Variants in KMT2A observed in about 807,000 individuals in gnomAD.
The protein encoded by KMT2A is histone-lysine N-methyltransferase 2A.
Under a neutral mutation model 345.3 loss-of-function variants are expected in KMT2A, and 16 were observed. That is an observed-to-expected ratio of 0.05 (90% CI 0.03 to 0.07). The LOEUF is 0.07. Ranked by LOEUF, KMT2A falls within the 10% of genes least tolerant of loss-of-function variation. The pLI is 1.00. For synonymous variants in KMT2A, 1,599 were observed against 1,778.6 expected (o/e 0.90, Z 2.54); for missense variants, 3,272 against 4,841.6 (o/e 0.68, Z 9.62).
In KMT2A at chr11:118,476,756, A is replaced by G; in HGVS notation, c.3157-49A>G. The stretch of plus-strand genomic sequence containing the variant: ...GTATACCTTGGCTTCGTTCAGTTAT[A>G]ATTTCAACATGTATGGTTGTTATTG... On this transcript the variant is annotated intron_variant, in intron 3 of 35. Coordinates refer to ENST00000534358, the MANE Select transcript of KMT2A (RefSeq NM_001197104.2). This position sits in a 1 kb window ranked among gnomAD's most constrained non-coding sequence, Gnocchi z 4.1. The G allele has an allele frequency of 1.3e-6, 2 of 1,514,040 alleles. No individual in the cohort carries two copies. The highest frequency in any genetic ancestry group is 1.8e-6 in the Non-Finnish European group (2 of 1,108,314). The allele number at this position is 1,514,040 out of a possible 1,614,324, so 93.8% of individuals were successfully genotyped here.
Position 118,503,938 on chromosome 11 carries a change from A to T in KMT2A, c.8046A>T (p.Leu2682Phe). The T allele has an allele frequency of 6.2e-7, 1 of 1,614,194 alleles. No individual in the cohort carries two copies. The change falls in exon 27 of 36, where the codon TTA becomes TTT. Residue 2682 changes from leucine to phenylalanine, a missense_variant. By Grantham distance (22) the Leu-to-Phe change is conservative (BLOSUM62 0). Around this residue, in one of 27 missense-constraint regions of KMT2A, gnomAD observed 47 missense variants for 53.6 expected, o/e 0.88. Transcript: ENST00000534358. This position sits in a 1 kb window ranked among gnomAD's most constrained non-coding sequence, Gnocchi z 5.3. ...DDLSTSDEDDLYYYNFTRTVI... is the reference protein window; with the variant it reads ...DDLSTSDEDDFYYYNFTRTVI... ...TAAGCACTTCAGATGAAGACGACTT[A>T]TACTATTACAACTTCACTAGAACAG...
chr11:118,467,143 G>A (rs558119471), intron 1 of KMT2A, among the ~76,000 whole-genome samples: 254 of 152,160 alleles, frequency 1.7e-3, no homozygotes, highest in African/African-American at 5.9e-3. Context: ...TTGGGAGGCC[G>A]AGGTGGGCAG....
intron 10 of KMT2A, among the ~76,000 whole-genome samples, chr11:118,486,045 T>C (rs1244757243): frequency 6.6e-6 from 1 of 152,016 alleles, no homozygotes; most frequent in Non-Finnish European, 1.5e-5. Context: ...ATCGCCCCAC[T>C]GCACTCCCGC....
intron 1 of KMT2A, among the ~76,000 whole-genome samples, chr11:118,441,901 CCTT>C (rs1565562116): frequency 6.6e-6 from 1 of 152,204 alleles, no homozygotes; most frequent in Non-Finnish European, 1.5e-5. Flanking sequence ...TCTTTGCTCA[CCTT>C]AGAGCTGTCC....
chr11:118,494,151 A>G lies in KMT2A; in HGVS notation c.5179-137A>G. 1.8e-6 allele frequency: 1 copy of G among 558,916 alleles called. No homozygotes were observed. Among genetic ancestry groups the G allele is most frequent in the Non-Finnish European group, 3.2e-6 (1 of 310,762 alleles). The allele number at this position is 558,916 out of a possible 1,614,324, so 34.6% of individuals were successfully genotyped here. A position where few individuals can be genotyped will look rare whatever the true frequency, so the allele number is the denominator to read the frequency against. On this transcript the variant is annotated intron_variant, in intron 16 of 35. Coordinates refer to ENST00000534358, the MANE Select transcript of KMT2A (RefSeq NM_001197104.2). This position sits in a 1 kb window ranked among gnomAD's most constrained non-coding sequence, Gnocchi z 5.8. ...GAATTGAATCTCAAAGGTCTCAGCC[A>G]AAGAGTATTATACCACATTAAAATA...
chr11:118,484,852 C>T lies in KMT2A; in HGVS notation c.4219-10C>T. 6.3e-7 allele frequency: 1 copy of T among 1,590,476 alleles called. No individual in the cohort carries two copies. Among genetic ancestry groups the T allele is most frequent in the Non-Finnish European group, 8.6e-7 (1 of 1,158,636 alleles). On this transcript the variant is annotated splice_polypyrimidine_tract_variant and intron_variant, in intron 9 of 35. Transcript: ENST00000534358. This position sits in a 1 kb window ranked among gnomAD's most constrained non-coding sequence, Gnocchi z 4.1. ...TAAAACTTTCCTAAGTGACCTTTCT[C>T]TCTCCACAGGAGGATTGTGAAGCAG...
At chr11:118,488,379 A>G (rs2134326370) in intron 10 of KMT2A, 1 of 529,914 alleles carries the variant, frequency 1.9e-6, no homozygotes, top group Middle Eastern at 5.3e-4. Context: ...TAAATCTTGT[A>G]TTATATTTAT....
At position 118,519,964 on chromosome 11, in the gene KMT2A, G is replaced by A. The variant is rs1950921536; in HGVS notation, c.11329G>A (p.Ala3777Thr). 6.2e-7 allele frequency: 1 copy of A among 1,613,130 alleles called. No individual in the cohort carries two copies. Among genetic ancestry groups the A allele is most frequent in the Non-Finnish European group, 8.5e-7 (1 of 1,179,190 alleles). The stretch of plus-strand genomic sequence containing the variant: ...TTAATCTTTTGGCCCCAGGAAGTCA[G>A]CATTTGACATGTTTAACTTCCTGGC... ...ARAEVHLRKS[A>T]FDMFNFLASK... The change falls in exon 33 of 36, where the codon GCA (alanine) becomes ACA (threonine). Residue 3777 changes from alanine (A) to threonine (T), a missense_variant. This residue lies in a region of KMT2A where 72 missense variants were observed against 135.6 expected (regional missense o/e 0.53). Transcript: ENST00000534358.
At position 118,520,659 on chromosome 11, in the gene KMT2A, A is replaced by AG. The variant is rs1555053224; in HGVS notation, c.11430-143_11430-142insG. On this transcript the variant is annotated intron_variant, in intron 33 of 35. Transcript: ENST00000534358. This position sits in a 1 kb window ranked among gnomAD's most constrained non-coding sequence, Gnocchi z 4.3. ...GAGCGAAACTCCATCTCAAAAAAAA[A>AG]AGGGGGGCGCTCATTTTATAAGGCA... 6.6e-4 allele frequency: 420 copies of AG among 632,018 alleles called. No homozygotes were observed. The highest frequency in any genetic ancestry group is 1.0e-3 in the Non-Finnish European group (359 of 354,030). 39.2% of individuals were successfully genotyped at this position (632,018 alleles called of 1,614,324 possible). A position where few individuals can be genotyped will look rare whatever the true frequency, so the allele number is the denominator to read the frequency against.
In KMT2A at chr11:118,503,300, G is replaced by A. The variant is rs1950530932; in HGVS notation, c.7408G>A (p.Glu2470Lys). Residue 2470 changes from glutamate to lysine, a missense_variant, in exon 27 of 36, where the codon GAG (glutamate) becomes AAG (lysine). Around this residue, in one of 27 missense-constraint regions of KMT2A, gnomAD observed 445 missense variants for 500.9 expected, o/e 0.89. Transcript: ENST00000534358. This position sits in a 1 kb window ranked among gnomAD's most constrained non-coding sequence, Gnocchi z 5.3. ...AAACTTGAAGCCAGAGTTTATGGATGAGGTTTTGACTCCTGAGTATATGGG... is the reference window on the plus strand; with the variant it reads ...AAACTTGAAGCCAGAGTTTATGGATAAGGTTTTGACTCCTGAGTATATGGG... ...EGNLKPEFMDEVLTPEYMGQR... is the reference protein window; with the variant it reads ...EGNLKPEFMDKVLTPEYMGQR... 5 of 1,614,146 alleles carry A rather than the reference G, an allele frequency of 3.1e-6. 1 individual carries two copies. Among genetic ancestry groups the A allele is most frequent in the South Asian group, 1.1e-5 (1 of 91,072 alleles).
chr11:118,518,884 T>A (rs1166881558), intron 31 of KMT2A, among the ~76,000 whole-genome samples: 4 of 151,108 alleles, frequency 2.6e-5, no homozygotes, highest in African/African-American at 9.7e-5. Context: ...GAGACCATCC[T>A]GGCTAACATG....
intron 31 of KMT2A, among the ~76,000 whole-genome samples, chr11:118,515,435 G>A (rs1950790855): frequency 6.6e-6 from 1 of 152,212 alleles, no homozygotes; most frequent in South Asian, 2.1e-4. Flanking sequence ...AAGTCCAGAG[G>A]TAGGGACAGA....
In KMT2A at chr11:118,484,159, T is replaced by C; in HGVS notation, c.4087-24T>C. On this transcript the variant is annotated intron_variant, in intron 8 of 35. Transcript: ENST00000534358. The surrounding 1 kb of genome is among the most constrained non-coding windows in gnomAD (Gnocchi z 4.1). ...AGGCAAATAGGGTGTGATTTTGTTCTATATTCATCTTTTGTCTCCTTAGGA... is the reference window on the plus strand; with the variant it reads ...AGGCAAATAGGGTGTGATTTTGTTCCATATTCATCTTTTGTCTCCTTAGGA... 1.9e-6 allele frequency: 3 copies of C among 1,612,126 alleles called. No homozygotes were observed. In the South Asian group the frequency reaches 3.3e-5, roughly 18 times the overall value.
At chr11:118,501,296 A>G in intron 25 of KMT2A, 149 bp downstream of exon 25, 2 of 673,196 alleles carry the variant, frequency 3.0e-6, no homozygotes, top group Non-Finnish European at 4.9e-6. Flanking sequence ...CATCTCTACT[A>G]AAAATACAAA....
At chr11:118,446,593 C>G (rs1369218871) in intron 1 of KMT2A, among the ~76,000 whole-genome samples, 1 of 152,192 alleles carries the variant, frequency 6.6e-6, no homozygotes, top group Non-Finnish European at 1.5e-5. Flanking sequence ...CAATCAATTT[C>G]TGAGTCTTGT....
intron 27 of KMT2A, among the ~76,000 whole-genome samples, chr11:118,506,907 CT>C (rs1950595075): frequency 6.6e-6 from 1 of 152,106 alleles, no homozygotes; most frequent in Non-Finnish European, 1.5e-5. Flanking sequence ...CTGTTTGTTC[CT>C]GTTTCTTTTT....
At position 118,473,951 on chromosome 11, in the gene KMT2A, C is replaced by T. The variant is rs2134271733; in HGVS notation, c.2792C>T (p.Thr931Ile). The T allele has an allele frequency of 1.2e-6, 2 of 1,614,048 alleles. No individual in the cohort carries two copies. The highest frequency in any genetic ancestry group is 1.7e-6 in the Non-Finnish European group (2 of 1,179,970). Residue 931 changes from threonine to isoleucine, a missense_variant, in exon 3 of 36, where the codon ACA (threonine) becomes ATA (isoleucine). Thr to Ile is a moderately conservative substitution (Grantham distance 89, BLOSUM62 -1). Transcript: ENST00000534358. The surrounding 1 kb of genome is among the most constrained non-coding windows in gnomAD (Gnocchi z 5.2). ...ACTTCATCTTCTGCCAAAAAAGCAA[C>T]AGGGCGGAAGAAGTCTTCATCACAT... is the stretch of plus-strand genomic sequence containing the variant. ...VATSSSAKKA[T>I]GRKKSSSHDS...
At chr11:118,519,843 T>C (rs782771955) in intron 32 of KMT2A, 51 bp downstream of exon 32, 1 of 1,588,990 alleles carries the variant, frequency 6.3e-7, no homozygotes, top group Non-Finnish European at 8.6e-7. Context: ...TTTTCTTATC[T>C]CATGACACTG....
rs2134414922 is a variant in KMT2A at position 118,506,589 on chromosome 11, G to A, written c.10697G>A (p.Ser3566Asn). ...CACAAAGTTTCCCATTTGCGGACCA[G>A]TTCTTCTGAAGCACACATTCCAGAC... ...KKHKVSHLRTSSSEAHIPDQE... is the reference protein window; with the variant it reads ...KKHKVSHLRTNSSEAHIPDQE... The change falls in exon 27 of 36, where the codon AGT becomes AAT. Residue 3566 changes from serine to asparagine, a missense_variant. Coordinates refer to ENST00000534358, the MANE Select transcript of KMT2A (RefSeq NM_001197104.2). 1 of 1,613,968 alleles carries A rather than the reference G, an allele frequency of 6.2e-7. No homozygotes were observed. Among genetic ancestry groups the A allele is most frequent in the Non-Finnish European group, 8.5e-7 (1 of 1,179,890 alleles).
Sources: allele counts gnomAD v4.1 joint callset (sites outside exome capture counted in the v4.1 genomes callset), GRCh38; gene constraint gnomAD v4.1.1; regional missense constraint gnomAD v4.1.1; non-coding constraint Gnocchi (gnomAD v3.1); transcripts MANE v1.5; gene names NCBI Gene and HGNC (gene_info 2026-07-23, HGNC 2026-07-21).